Variants in LARP4B observed in about 807,000 individuals in gnomAD.
The protein encoded by LARP4B is la-related protein 4B.
A neutral mutation model predicts 89.8 loss-of-function variants in LARP4B; 12 were observed. That is an observed-to-expected ratio of 0.13 (90% CI 0.09 to 0.22). The LOEUF (loss-of-function observed/expected upper bound fraction) is 0.22, where lower values mean the gene tolerates loss of function less well. LARP4B is among the 10% of genes least tolerant of loss of function. The pLI is 1.00. For missense variants in LARP4B, 757 were observed against 947.7 expected (o/e 0.80, Z 2.64); for synonymous variants, 367 against 363.3 (o/e 1.01, Z -0.12).
intron 5 of LARP4B, among the ~76,000 whole-genome samples, chr10:847,667 C>T (rs187062527): frequency 6.6e-6 from 1 of 152,228 alleles, no homozygotes; most frequent in Admixed American, 6.5e-5. Context: ...GCGGGGATTA[C>T]AGGCGCACAC....
rs554322634 is a variant in LARP4B at position 822,695 on chromosome 10, C to A, written c.1485-1850G>T. On this transcript the variant is annotated intron_variant, in intron 13 of 17. Transcript: ENST00000316157. The surrounding 1 kb of genome is among the most constrained non-coding windows in gnomAD (Gnocchi z 4.6). The stretch of plus-strand genomic sequence containing the variant: ...AAGGGACCCAGGGTGGTCCCAGCAC[C>A]ATAGAGGAAACATCACTGTGACACC... 6.6e-6 allele frequency among the ~76,000 whole-genome samples: 1 copy of A among 152,300 alleles called. No homozygotes were observed. Among genetic ancestry groups the A allele is most frequent in the African/African-American group, 2.4e-5 (1 of 41,564 alleles).
At chr10:837,078 G>C (rs527246501) in intron 7 of LARP4B, among the ~76,000 whole-genome samples, 5 of 152,330 alleles carry the variant, frequency 3.3e-5, no homozygotes, top group Admixed American at 1.3e-4. Context: ...GCATCAGGAT[G>C]AAAGTGGCAA....
chr10:821,455 C>T (rs1255134816), intron 13 of LARP4B, among the ~76,000 whole-genome samples: 1 of 152,220 alleles, frequency 6.6e-6, no homozygotes, highest in East Asian at 1.9e-4. Flanking sequence ...CCACGCCACA[C>T]ACGCAGTTGA....
At chr10:965,878 A>G in the LARP4B span, among the ~76,000 whole-genome samples, 1 of 152,142 alleles carries the variant, frequency 6.6e-6, no homozygotes, top group Non-Finnish European at 1.5e-5. Flanking sequence ...AGCCATGGAA[A>G]CAGAGCTCAG....
At chr10:952,490 A>C in the LARP4B span, among the ~76,000 whole-genome samples, 1 of 136,468 alleles carries the variant, frequency 7.3e-6, no homozygotes, top group Admixed American at 7.5e-5. Context: ...ACCAGCCCAC[A>C]ACCAACTGCA....
At chr10:922,673 T>A (rs545680213) in intron 1 of LARP4B, among the ~76,000 whole-genome samples, 15 of 128,380 alleles carry the variant, frequency 1.2e-4, no homozygotes, top group African/African-American at 4.2e-4. Context: ...AGACCCCGTC[T>A]GTTAAATAAA....
intron 1 of LARP4B, among the ~76,000 whole-genome samples, chr10:922,631 C>T (rs907645509): frequency 6.6e-6 from 1 of 151,948 alleles, no homozygotes; most frequent in Non-Finnish European, 1.5e-5. Flanking sequence ...CACACCACTA[C>T]ACTCCACTCC....
chr10:897,291 T>A (rs1325336343), intron 1 of LARP4B, among the ~76,000 whole-genome samples: 3 of 152,184 alleles, frequency 2.0e-5, no homozygotes, highest in Non-Finnish European at 4.4e-5. Flanking sequence ...AACAATCTTG[T>A]CAACAAATGG....
At chr10:902,925 G>A (rs766189619) in intron 1 of LARP4B, among the ~76,000 whole-genome samples, 5 of 152,192 alleles carry the variant, frequency 3.3e-5, no homozygotes, top group African/African-American at 4.8e-5. Context: ...TTACCGGTGT[G>A]AGCCACGGTG....
Position 909,150 on chromosome 10 carries a change from C to T in LARP4B, c.-40+22278G>A, listed in dbSNP as rs185829955. ...TCTACTAACAATACAAAAAATTAGC[C>T]GGGCATGGTGGTGGGCACTTGTAGT... On this transcript the variant is annotated intron_variant, in intron 1 of 17. Coordinates refer to ENST00000316157, the MANE Select transcript of LARP4B (RefSeq NM_015155.3). 3.8e-3 allele frequency among the ~76,000 whole-genome samples: 571 copies of T among 151,998 alleles called. 6 individuals carry two copies. Among genetic ancestry groups the T allele is most frequent in the African/African-American group, 0.012 (513 of 41,428 alleles).
Position 820,858 on chromosome 10 carries a change from A to G in LARP4B, c.1485-13T>C, listed in dbSNP as rs761561860. On this transcript the variant is annotated splice_polypyrimidine_tract_variant and intron_variant, in intron 13 of 17. Transcript: ENST00000316157. ...AAAGGAATTCTTCCTAGAGGAGTGG[A>G]AAGTGAAAGACTGTTATTTTTTTCC... is the stretch of plus-strand genomic sequence containing the variant. 5.6e-6 allele frequency: 9 copies of G among 1,612,014 alleles called. No homozygotes were observed. Among genetic ancestry groups the G allele is most frequent in the Non-Finnish European group, 7.6e-6 (9 of 1,179,238 alleles).
At chr10:904,495 G>C (rs912946506) in intron 1 of LARP4B, among the ~76,000 whole-genome samples, 1 of 149,692 alleles carries the variant, frequency 6.7e-6, no homozygotes, top group Admixed American at 6.7e-5. Context: ...CGGAGGGTTG[G>C]GGGGGCATTA....
the LARP4B span, among the ~76,000 whole-genome samples, chr10:947,326 A>G: frequency 6.6e-6 from 1 of 152,026 alleles, no homozygotes; most frequent in Non-Finnish European, 1.5e-5. Flanking sequence ...TATAAGGCAC[A>G]GTTCCATTCA....
chr10:954,263 T>C, the LARP4B span, among the ~76,000 whole-genome samples: 1 of 152,148 alleles, frequency 6.6e-6, no homozygotes, highest in Non-Finnish European at 1.5e-5. The surrounding 1 kb of genome is among the most constrained non-coding windows in gnomAD (Gnocchi z 5.0). Flanking sequence ...CCGTCTTTTA[T>C]GGTGGCCTGT....
chr10:947,995 T>A, the LARP4B span, among the ~76,000 whole-genome samples: 5 of 151,870 alleles, frequency 3.3e-5, no homozygotes, highest in African/African-American at 4.8e-5. Context: ...CTGCTGGCAG[T>A]GTGATAGTGG....
intron 5 of LARP4B, 68 bp from the exon 6 acceptor site, chr10:845,123 G>T: frequency 1.8e-6 from 2 of 1,135,772 alleles, no homozygotes; most frequent in Non-Finnish European, 2.6e-6. Flanking sequence ...ATTCAGTACA[G>T]CAGTTCTAAT....
At chr10:975,060 C>A in the LARP4B span, among the ~76,000 whole-genome samples, 1 of 152,232 alleles carries the variant, frequency 6.6e-6, no homozygotes, top group African/African-American at 2.4e-5. Flanking sequence ...TAGTCACCAC[C>A]ACAGCAGATC....
chr10:841,019 G>T (rs1833496394), intron 7 of LARP4B, among the ~76,000 whole-genome samples: 2 of 152,132 alleles, frequency 1.3e-5, no homozygotes, highest in African/African-American at 4.8e-5. Context: ...TGGGCGTGGT[G>T]GTGCACGCTT....
intron 11 of LARP4B, among the ~76,000 whole-genome samples, chr10:826,654 C>A (rs992734846): frequency 7.2e-5 from 11 of 152,140 alleles, no homozygotes; most frequent in African/African-American, 2.4e-4. Flanking sequence ...GGCTTCTGGA[C>A]CCATGGTTTC....
Sources: gnomAD v4.1 joint callset for allele counts (sites outside exome capture counted in the v4.1 genomes callset) on GRCh38, gnomAD v4.1.1 for gene constraint, Gnocchi (gnomAD v3.1) non-coding constraint, MANE v1.5 for transcripts, NCBI Gene and HGNC (gene_info 2026-07-23, HGNC 2026-07-21) for gene names.